ADAMTSL3: variants seen among roughly 807,000 people sequenced by gnomAD.
The protein encoded by ADAMTSL3 is ADAMTS-like protein 3.
Under a neutral mutation model 201.7 loss-of-function variants are expected in ADAMTSL3, and 128 were observed. The observed-to-expected ratio is 0.63, with a 90% CI of 0.55 to 0.73. The LOEUF (loss-of-function observed/expected upper bound fraction) is 0.73, where lower values mean the gene tolerates loss of function less well. Among genes scored for constraint, ADAMTSL3 ranks in the 30% least tolerant of loss-of-function variants. The pLI, the probability that ADAMTSL3 is intolerant of heterozygous loss-of-function variation, is 0.00. For synonymous variants in ADAMTSL3, 738 were observed against 748.4 expected (o/e 0.99, Z 0.23); for missense variants, 1,990 against 2,119.6 (o/e 0.94, Z 1.20).
At chr15:84,018,900 T>G (rs2068139699) in intron 25 of ADAMTSL3, among the ~76,000 whole-genome samples, 1 of 152,166 alleles carries the variant, frequency 6.6e-6, no homozygotes, top group Non-Finnish European at 1.5e-5. Context: ...CAAATTGGAC[T>G]GACCGCATCA....
chr15:83,889,363 T>C (rs2065460221), intron 10 of ADAMTSL3, among the ~76,000 whole-genome samples: 1 of 152,162 alleles, frequency 6.6e-6, no homozygotes, highest in Non-Finnish European at 1.5e-5. Context: ...AATGCGGTAC[T>C]GTGTATGCAT....
intron 3 of ADAMTSL3, among the ~76,000 whole-genome samples, chr15:83,716,132 A>G (rs557864697): frequency 3.9e-4 from 60 of 152,350 alleles, no homozygotes; most frequent in African/African-American, 1.4e-3. Flanking sequence ...TGGAATAGCT[A>G]GATCTACTTC....
chr15:83,704,851 C>T (rs1411684714), intron 3 of ADAMTSL3, among the ~76,000 whole-genome samples: 4 of 152,088 alleles, frequency 2.6e-5, no homozygotes, highest in African/African-American at 9.7e-5. Flanking sequence ...TACTTCTTTG[C>T]CCTCAGCTTT....
In ADAMTSL3 at chr15:83,654,634, A is replaced by C. The variant is rs1476051545; in HGVS notation, c.-34+358A>C. Among the ~76,000 whole-genome samples, 2 of 152,092 alleles carry C rather than the reference A, an allele frequency of 1.3e-5. No individual in the cohort carries two copies. Among genetic ancestry groups the C allele is most frequent in the Admixed American group, 1.3e-4 (2 of 15,280 alleles). On this transcript the variant is annotated intron_variant, in intron 1 of 29. Transcript: ENST00000286744. The surrounding 1 kb of genome is among the most constrained non-coding windows in gnomAD (Gnocchi z 5.3). ...GGTCCGAAGGTCCGGCCGGTTGACC[A>C]CTGGGTAGCGAGCGCCCAGAACGCC...
chr15:83,846,321 G>A (rs947222810), intron 7 of ADAMTSL3, among the ~76,000 whole-genome samples: 1 of 152,188 alleles, frequency 6.6e-6, no homozygotes, highest in African/African-American at 2.4e-5. Context: ...TGGAGAAATA[G>A]GCTCAGTGAA....
intron 15 of ADAMTSL3, among the ~76,000 whole-genome samples, chr15:83,904,764 CTTG>C (rs2065802884): frequency 6.6e-6 from 1 of 152,194 alleles, no homozygotes; most frequent in Non-Finnish European, 1.5e-5. Context: ...CTTCAGCAAA[CTTG>C]TTGCCCTCGC....
chr15:83,981,411 A>G (rs2141807062), intron 20 of ADAMTSL3, among the ~76,000 whole-genome samples: 1 of 152,344 alleles, frequency 6.6e-6, no homozygotes, highest in African/African-American at 2.4e-5. Flanking sequence ...TCACCAGATC[A>G]GTGGTGGCAG....
At chr15:83,979,604 A>G (rs2067349459) in intron 20 of ADAMTSL3, among the ~76,000 whole-genome samples, 1 of 152,238 alleles carries the variant, frequency 6.6e-6, no homozygotes. Context: ...TTTAACAGCC[A>G]TCTTGAAAAA....
At chr15:83,901,866 G>A (rs554138910) in intron 15 of ADAMTSL3, among the ~76,000 whole-genome samples, 1 of 152,152 alleles carries the variant, frequency 6.6e-6, no homozygotes, top group Non-Finnish European at 1.5e-5. Flanking sequence ...TGTCACAGAA[G>A]GAAGGTCACA....
At chr15:83,916,564 T>A (rs1197008940) in intron 16 of ADAMTSL3, among the ~76,000 whole-genome samples, 1 of 152,204 alleles carries the variant, frequency 6.6e-6, no homozygotes, top group Non-Finnish European at 1.5e-5. Context: ...TTATTTTTAA[T>A]TAACTTGAGA....
Position 83,677,938 on chromosome 15 carries a change from T to TTCTC in ADAMTSL3, c.69+22122_69+22125dup, listed in dbSNP as rs34231485. On this transcript the variant is annotated intron_variant, in intron 2 of 29. Transcript: ENST00000286744. ...TGATTTTTCTATGGGAGTTTTCATT[T>TTCTC]TCTCTCTCTCTCTCTCTGTCTCTCT... Among the ~76,000 whole-genome samples the TTCTC allele has an allele frequency of 2.0e-3, 305 of 149,684 alleles. 2 individuals carry two copies. The highest frequency in any genetic ancestry group is 2.6e-3 in the Non-Finnish European group (177 of 67,194).
intron 19 of ADAMTSL3, among the ~76,000 whole-genome samples, chr15:83,956,434 A>C (rs1415755389): frequency 6.6e-6 from 1 of 152,124 alleles, no homozygotes; most frequent in Non-Finnish European, 1.5e-5. Context: ...GTTCACAGAT[A>C]ATTGTTTAAA....
chr15:83,970,735 TG>T, intron 20 of ADAMTSL3, 98 bp downstream of exon 20: 1 of 1,468,208 alleles, frequency 6.8e-7, no homozygotes, highest in Non-Finnish European at 9.3e-7. Context: ...TTCTAATCTG[TG>T]GGTAAGGCAA....
intron 2 of ADAMTSL3, among the ~76,000 whole-genome samples, chr15:83,700,232 T>C (rs2061752647): frequency 6.6e-6 from 1 of 152,206 alleles, no homozygotes; most frequent in Non-Finnish European, 1.5e-5. Flanking sequence ...TGTCCAGGTA[T>C]TGGCACATGG....
chr15:83,750,555 G>A (rs1353565429), intron 3 of ADAMTSL3, among the ~76,000 whole-genome samples: 3 of 121,702 alleles, frequency 2.5e-5, no homozygotes, highest in Admixed American at 2.1e-4. Context: ...TTTTTGCATG[G>A]GGGAGACTTT....
chr15:83,982,402 T>C lies in ADAMTSL3; in HGVS notation c.2774T>C (p.Leu925Pro). 1 of 1,614,194 alleles carries C rather than the reference T, an allele frequency of 6.2e-7. No individual in the cohort carries two copies. Among genetic ancestry groups the C allele is most frequent in the Non-Finnish European group, 8.5e-7 (1 of 1,180,024 alleles). The change falls in exon 21 of 30, where the codon CTG (leucine) becomes CCG (proline). Residue 925 changes from leucine to proline, a missense_variant. Transcript: ENST00000286744. ...ACCATTGGTAGCAGAGCCTATTTGC[T>C]GCCCAACACATCCGTGATTATTAAG... Reference protein sequence around the residue: ...NLTIGSRAYLLPNTSVIIKCP... With the variant: ...NLTIGSRAYLPPNTSVIIKCP...
chr15:83,999,928 G>A (rs2067761181), intron 23 of ADAMTSL3, among the ~76,000 whole-genome samples: 1 of 152,008 alleles, frequency 6.6e-6, no homozygotes, highest in African/African-American at 2.4e-5. Flanking sequence ...AGGATTATGT[G>A]GTTAAATTCC....
chr15:83,691,759 C>T (rs142150593), intron 2 of ADAMTSL3, among the ~76,000 whole-genome samples: 19 of 152,106 alleles, frequency 1.2e-4, no homozygotes, highest in African/African-American at 4.3e-4. Context: ...GGATTACAGG[C>T]GCCTGCCACC....
rs1288294706 is a variant in ADAMTSL3, at chr15:83,757,702, TC to T, written c.190-15820del. 2.6e-5 allele frequency among the ~76,000 whole-genome samples: 4 copies of T among 152,356 alleles called. No individual in the cohort carries two copies. In the East Asian group the frequency reaches 7.7e-4, roughly 29 times the overall value. On this transcript the variant is annotated intron_variant, in intron 3 of 29. Transcript: ENST00000286744. ...ATGGGTTTTTCTTTTCTATCACATC[TC>T]AGGTTGCAAATTTTCTGAACTTTTA...
Sources: allele counts gnomAD v4.1 joint callset (sites outside exome capture counted in the v4.1 genomes callset), GRCh38; gene constraint gnomAD v4.1.1; non-coding constraint Gnocchi (gnomAD v3.1); transcripts MANE v1.5; gene names NCBI Gene and HGNC (gene_info 2026-07-23, HGNC 2026-07-21).